PIBF1: variants seen among roughly 807,000 people sequenced by gnomAD.
The protein encoded by PIBF1 is progesterone-induced-blocking factor 1.
Under a neutral mutation model 112.5 loss-of-function variants are expected in PIBF1, and 90 were observed. The ratio of observed to expected loss-of-function variants is 0.80; its 90% CI spans 0.67 to 0.95. The LOEUF is 0.95. Among genes scored for constraint, PIBF1 ranks in the 40% least tolerant of loss-of-function variants. The probability of loss-of-function intolerance (pLI) is 0.00; values close to 1 mark genes in which losing one functional copy is unlikely to be tolerated. For synonymous variants in PIBF1, 301 were observed against 288.6 expected (o/e 1.04, Z -0.44); for missense variants, 915 against 852.3 (o/e 1.07, Z -0.92).
At chr13:72,784,306 CATG>C (rs890626713) in intron 2 of PIBF1, among the ~76,000 whole-genome samples, 1 of 150,734 alleles carries the variant, frequency 6.6e-6, no homozygotes, top group African/African-American at 2.4e-5. Flanking sequence ...ATTAGCCAGC[CATG>C]ATGGTGGGTG....
chr13:72,782,875 C>CGTGTGTGT (rs34618038), intron 1 of PIBF1, among the ~76,000 whole-genome samples: 186 of 147,470 alleles, frequency 1.3e-3, no homozygotes, highest in African/African-American at 4.1e-3. Context: ...TCGTTAAGGG[C>CGTGTGTGT]GTGTGTGTGT....
Position 72,996,768 on chromosome 13 carries a change from A to T in PIBF1, c.2050-2054A>T, listed in dbSNP as rs2043687729. Among the ~76,000 whole-genome samples the T allele has an allele frequency of 2.1e-5, 3 of 144,532 alleles. No individual in the cohort carries two copies. The South Asian group carries it at 6.4e-4, about 31-fold the overall frequency. 94.8% of individuals were successfully genotyped at this position (144,532 alleles called of 152,430 possible). A position where few individuals can be genotyped will look rare whatever the true frequency, so the allele number is the denominator to read the frequency against. On this transcript the variant is annotated intron_variant, in intron 16 of 17. Coordinates refer to ENST00000326291, the MANE Select transcript of PIBF1 (RefSeq NM_006346.4). ...GACAACAGAGCAAGACCCTGTCTCT[A>T]AAAAAAAAAAAATTGAAGTGGAATT...
At chr13:72,932,024 C>T (rs2041725081) in intron 14 of PIBF1, among the ~76,000 whole-genome samples, 1 of 148,382 alleles carries the variant, frequency 6.7e-6, no homozygotes, top group Non-Finnish European at 1.5e-5. Context: ...TCATTGCAAC[C>T]TCTGCCTCCC....
At chr13:72,966,812 G>C (rs1340999204) in intron 15 of PIBF1, among the ~76,000 whole-genome samples, 1 of 152,166 alleles carries the variant, frequency 6.6e-6, no homozygotes, top group Non-Finnish European at 1.5e-5. Flanking sequence ...TGGAGGCTGA[G>C]ACAGGAGAAT....
Position 72,827,831 on chromosome 13 carries a change from G to C in PIBF1, c.1014G>C (p.Glu338Asp), listed in dbSNP as rs570504594. The C allele has an allele frequency of 6.2e-7, 1 of 1,602,120 alleles. No individual in the cohort carries two copies. The highest frequency in any genetic ancestry group is 2.3e-5 in the East Asian group (1 of 44,404). ...TTAGTGTTCGCTGTGCTCATGAAGA[G>C]GATCGCCTTGAAAGACTTCAAGCTC... ...MELSVRCAHE[E>D]DRLERLQAQL... Residue 338 changes from glutamate to aspartate, a missense_variant, in exon 8 of 18, where the codon GAG (glutamate) becomes GAC (aspartate). Physicochemically the swap from Glu to Asp is conservative, Grantham distance 45. Transcript: ENST00000326291.
intron 16 of PIBF1, among the ~76,000 whole-genome samples, chr13:72,978,489 G>A (rs2043078789): frequency 6.6e-6 from 1 of 152,154 alleles, no homozygotes; most frequent in African/African-American, 2.4e-5. Context: ...ATGAATTATT[G>A]CGTATATTCC....
At chr13:72,871,047 A>AAT (rs2039140605) in intron 10 of PIBF1, among the ~76,000 whole-genome samples, 1 of 152,108 alleles carries the variant, frequency 6.6e-6, no homozygotes, top group Non-Finnish European at 1.5e-5. Context: ...AGATGCCCTG[A>AAT]ATAGGAGTTC....
At chr13:72,935,874 A>C (rs865809138) in intron 14 of PIBF1, among the ~76,000 whole-genome samples, 2 of 151,940 alleles carry the variant, frequency 1.3e-5, no homozygotes, top group African/African-American at 4.8e-5. Flanking sequence ...CTGTTTTATC[A>C]GGTTGTTTGT....
chr13:72,796,300 C>G (rs2050499614), intron 4 of PIBF1, among the ~76,000 whole-genome samples: 1 of 151,974 alleles, frequency 6.6e-6, no homozygotes, highest in South Asian at 2.1e-4. Context: ...TTGTGAATTC[C>G]CTGAAAGGAT....
chr13:73,009,827 A>G (rs1479969899), intron 17 of PIBF1, among the ~76,000 whole-genome samples: 2 of 152,206 alleles, frequency 1.3e-5, no homozygotes, highest in Non-Finnish European at 2.9e-5. Context: ...AGGAGGAGAA[A>G]ACATATTAGG....
intron 12 of PIBF1, among the ~76,000 whole-genome samples, chr13:72,909,660 A>G (rs763880281): frequency 3.0e-4 from 46 of 151,858 alleles, no homozygotes; most frequent in Non-Finnish European, 6.6e-4. Context: ...CACCCAGCTC[A>G]TTTTGTATTT....
intron 3 of PIBF1, among the ~76,000 whole-genome samples, chr13:72,795,064 A>T (rs1373199507): frequency 6.6e-6 from 1 of 152,214 alleles, no homozygotes; most frequent in East Asian, 1.9e-4. Flanking sequence ...GTTTAACATT[A>T]AACCTTAAGC....
chr13:72,951,048 C>T (rs1241179202), intron 14 of PIBF1, among the ~76,000 whole-genome samples: 1 of 152,276 alleles, frequency 6.6e-6, no homozygotes, highest in Non-Finnish European at 1.5e-5. Context: ...AGGCAAAAAG[C>T]AATCAGATAT....
chr13:72,845,638 T>G (rs1340387586), intron 9 of PIBF1, among the ~76,000 whole-genome samples: 1 of 152,226 alleles, frequency 6.6e-6, no homozygotes, highest in Non-Finnish European at 1.5e-5. Context: ...ACTAACAGTG[T>G]AGAAGCATTC....
At chr13:72,866,155 A>C (rs1021567943) in intron 10 of PIBF1, among the ~76,000 whole-genome samples, 10 of 152,068 alleles carry the variant, frequency 6.6e-5, no homozygotes, top group African/African-American at 2.2e-4. Flanking sequence ...TGTGCCTCTT[A>C]TATGGATATA....
intron 11 of PIBF1, among the ~76,000 whole-genome samples, chr13:72,902,327 C>A (rs188274866): frequency 6.6e-6 from 1 of 151,830 alleles, no homozygotes; most frequent in East Asian, 1.9e-4. Context: ...CACAAATTAC[C>A]GCTAAAGAAC....
chr13:72,807,346 G>A (rs898767976), intron 5 of PIBF1, among the ~76,000 whole-genome samples: 15 of 152,256 alleles, frequency 9.9e-5, no homozygotes, highest in African/African-American at 3.4e-4. Flanking sequence ...AGGTCGAGGT[G>A]GGCAGATCAC....
chr13:72,887,122 C>T (rs1477170479), intron 10 of PIBF1, among the ~76,000 whole-genome samples: 2 of 150,670 alleles, frequency 1.3e-5, no homozygotes, highest in Admixed American at 1.3e-4. Flanking sequence ...TAATTGCTCC[C>T]CTAATTTTCA....
At chr13:72,793,775 G>A (rs2035054851) in intron 3 of PIBF1, among the ~76,000 whole-genome samples, 1 of 152,140 alleles carries the variant, frequency 6.6e-6, no homozygotes. Context: ...AAAAGTTTTG[G>A]CCTGAACAAA....
Sources: allele counts gnomAD v4.1 joint callset (sites outside exome capture counted in the v4.1 genomes callset), GRCh38; gene constraint gnomAD v4.1.1; transcripts MANE v1.5; gene names NCBI Gene and HGNC (gene_info 2026-07-23, HGNC 2026-07-21).